The following ZC2HC1A variants were observed in gnomAD, a reference collection of about 807,000 sequenced individuals.
ZC2HC1A encodes the protein zinc finger C2HC-type containing 1A.
A neutral mutation model predicts 40.7 loss-of-function variants in ZC2HC1A; 28 were observed. That is an observed-to-expected ratio of 0.69 (90% CI 0.51 to 0.94). The LOEUF (loss-of-function observed/expected upper bound fraction) is 0.94. Ranked by LOEUF, ZC2HC1A falls within the 40% of genes least tolerant of loss-of-function variation. ZC2HC1A has a pLI of 0.00. For missense variants in ZC2HC1A, 389 were observed against 386.3 expected, an observed-to-expected ratio of 1.01 and a Z score of -0.06; for synonymous variants, 129 against 129.2, an observed-to-expected ratio of 1.00 and a Z score of 0.01.
At chr8:78,673,950 A>G (rs1809501746) in intron 1 of ZC2HC1A, among the ~76,000 whole-genome samples, 1 of 151,976 alleles carries the variant, frequency 6.6e-6, no homozygotes, top group Non-Finnish European at 1.5e-5. Context: ...AGTGATAATA[A>G]TTTTCGTTTT....
intron 1 of ZC2HC1A, among the ~76,000 whole-genome samples, chr8:78,666,983 T>A (rs1400175585): frequency 1.3e-5 from 2 of 152,234 alleles, no homozygotes; most frequent in Non-Finnish European, 2.9e-5. Context: ...CAAGATTTTT[T>A]AATTTGTTAT....
chr8:78,693,180 C>A (rs983825499), intron 5 of ZC2HC1A, among the ~76,000 whole-genome samples: 1 of 151,972 alleles, frequency 6.6e-6, no homozygotes. Context: ...TGAATAGTGC[C>A]GCAATAAACA....
intron 1 of ZC2HC1A, among the ~76,000 whole-genome samples, chr8:78,671,307 T>G (rs1809432388): frequency 6.6e-6 from 1 of 152,186 alleles, no homozygotes; most frequent in Admixed American, 6.5e-5. Flanking sequence ...CCAGATAGAT[T>G]TTGTAAGGAG....
At chr8:78,678,789 T>A in intron 3 of ZC2HC1A, 110 bp downstream of exon 3, 1 of 599,856 alleles carries the variant, frequency 1.7e-6, no homozygotes, top group Non-Finnish European at 2.7e-6. Context: ...TCTGCTACAT[T>A]AAGATTAAAG....
At chr8:78,676,767 TTTC>T (rs1486935957) in intron 2 of ZC2HC1A, among the ~76,000 whole-genome samples, 1 of 152,050 alleles carries the variant, frequency 6.6e-6, no homozygotes, top group African/African-American at 2.4e-5. Context: ...CAATGATTTT[TTTC>T]TTATCAATTT....
chr8:78,709,199 A>G (rs1044650629), intron 7 of ZC2HC1A, among the ~76,000 whole-genome samples: 1 of 152,184 alleles, frequency 6.6e-6, no homozygotes, highest in Non-Finnish European at 1.5e-5. Flanking sequence ...AGCAACTGTA[A>G]TACACCTAAA....
chr8:78,706,277 C>T (rs939331198), intron 7 of ZC2HC1A, among the ~76,000 whole-genome samples: 1 of 152,168 alleles, frequency 6.6e-6, no homozygotes, highest in African/African-American at 2.4e-5. Context: ...CTACTTGGTC[C>T]TCTTGATTCA....
At chr8:78,678,044 A>T (rs1379942044) in intron 2 of ZC2HC1A, among the ~76,000 whole-genome samples, 1 of 152,076 alleles carries the variant, frequency 6.6e-6, no homozygotes, top group Non-Finnish European at 1.5e-5. Context: ...AGTGAGAATG[A>T]CCAGAGGTCA....
chr8:78,684,051 A>T (rs1809874354), intron 3 of ZC2HC1A, among the ~76,000 whole-genome samples: 1 of 152,168 alleles, frequency 6.6e-6, no homozygotes, highest in Non-Finnish European at 1.5e-5. Context: ...GTTTCTAGGA[A>T]GTTCCAAACT....
intron 7 of ZC2HC1A, among the ~76,000 whole-genome samples, chr8:78,705,874 C>A (rs1228525648): frequency 6.6e-6 from 1 of 151,980 alleles, no homozygotes; most frequent in Non-Finnish European, 1.5e-5. Flanking sequence ...TTTCCTAGAG[C>A]AGCTGTGTTG....
At chr8:78,698,626 C>A in intron 7 of ZC2HC1A, 113 bp downstream of exon 7, 1 of 806,994 alleles carries the variant, frequency 1.2e-6, no homozygotes, top group Non-Finnish European at 1.8e-6. Context: ...GTTCATTTGT[C>A]TTTTAACATT....
At chr8:78,700,903 T>TCAAATCC (rs1163944722) in intron 7 of ZC2HC1A, among the ~76,000 whole-genome samples, 2 of 152,206 alleles carry the variant, frequency 1.3e-5, no homozygotes, top group Admixed American at 1.3e-4. Flanking sequence ...AGCCCTGTAG[T>TCAAATCC]ATAGCTGGAA....
chr8:78,701,809 G>A (rs2086755), intron 7 of ZC2HC1A, among the ~76,000 whole-genome samples: 119,649 of 152,186 alleles, frequency 0.79, 47,358 homozygotes, highest in East Asian at 0.91. Flanking sequence ...TTGCATATGC[G>A]GAGTCAACCT....
intron 2 of ZC2HC1A, among the ~76,000 whole-genome samples, chr8:78,678,042 T>C (rs542624035): frequency 6.6e-6 from 1 of 152,302 alleles, no homozygotes; most frequent in South Asian, 2.1e-4. Context: ...GCAGTGAGAA[T>C]GACCAGAGGT....
rs555889373 is a variant in ZC2HC1A at position 78,709,475 on chromosome 8, G to T, written c.705-5746G>T. The stretch of plus-strand genomic sequence containing the variant: ...TGATAACCTAGAATTCCAGACCTCG[G>T]TTTCTTATGTGGATAACAATGATTG... On this transcript the variant is annotated intron_variant, in intron 7 of 8. Coordinates refer to ENST00000263849, the MANE Select transcript of ZC2HC1A (RefSeq NM_016010.3). Among the ~76,000 whole-genome samples, 4 of 152,204 alleles carry T rather than the reference G, an allele frequency of 2.6e-5. No individual in the cohort carries two copies. In the East Asian group the frequency reaches 5.8e-4, roughly 22 times the overall value.
At chr8:78,677,514 A>G (rs542713331) in intron 2 of ZC2HC1A, among the ~76,000 whole-genome samples, 2 of 152,304 alleles carry the variant, frequency 1.3e-5, no homozygotes, top group South Asian at 2.1e-4. Context: ...TGTTAACTTT[A>G]TATTAGCATA....
intron 5 of ZC2HC1A, 130 bp downstream of exon 5, chr8:78,689,503 T>C (rs564590071): frequency 2.5e-6 from 2 of 810,590 alleles, no homozygotes; most frequent in Admixed American, 4.0e-5. Flanking sequence ...TAGTTTTATA[T>C]ATCTATAAAA....
chr8:78,711,072 A>G lies in ZC2HC1A; in HGVS notation c.705-4149A>G, dbSNP rs78992307. Among the ~76,000 whole-genome samples the G allele has an allele frequency of 9.5e-3, 1,447 of 152,260 alleles. 19 individuals carry two copies. Among genetic ancestry groups the G allele is most frequent in the African/African-American group, 0.033 (1,387 of 41,566 alleles). ...GCCTGACACATAATAGATGCTCATAATAGATGCTCAGGGTTTATAGTCAGT... is the reference window on the plus strand; with the variant it reads ...GCCTGACACATAATAGATGCTCATAGTAGATGCTCAGGGTTTATAGTCAGT... On this transcript the variant is annotated intron_variant, in intron 7 of 8. Coordinates refer to ENST00000263849, the MANE Select transcript of ZC2HC1A (RefSeq NM_016010.3).
chr8:78,694,077 GT>G (rs1586006796), intron 5 of ZC2HC1A, among the ~76,000 whole-genome samples: 2 of 152,092 alleles, frequency 1.3e-5, no homozygotes, highest in East Asian at 3.9e-4. Flanking sequence ...GCTCAGTTCT[GT>G]TCCATTGGTC....
Sources: allele counts gnomAD v4.1 joint callset (sites outside exome capture counted in the v4.1 genomes callset), GRCh38; gene constraint gnomAD v4.1.1; transcripts MANE v1.5; gene names NCBI Gene and HGNC (gene_info 2026-07-23, HGNC 2026-07-21).